The following NLK variants were observed in gnomAD, a reference collection of about 807,000 sequenced individuals.
NLK encodes the protein serine/threonine-protein kinase NLK.
NLK carries 11 observed loss-of-function variants against 59.0 expected under a neutral mutation model. That is an observed-to-expected ratio of 0.19 (90% CI 0.12 to 0.31). NLK has a LOEUF of 0.31. Among genes scored for constraint, NLK ranks in the 10% least tolerant of loss-of-function variants. The pLI is 1.00. For synonymous variants in NLK, 235 were observed against 235.9 expected (o/e 1.00, Z 0.03); for missense variants, 410 against 661.1 (o/e 0.62, Z 4.16).
chr17:28,056,083 A>G (rs895174658), intron 1 of NLK, among the ~76,000 whole-genome samples: 1 of 152,220 alleles, frequency 6.6e-6, no homozygotes, highest in Non-Finnish European at 1.5e-5. Flanking sequence ...CACTGATAGC[A>G]TTTTGGTGTA....
chr17:28,130,094 G>C (rs1906456439), intron 2 of NLK, among the ~76,000 whole-genome samples: 1 of 152,062 alleles, frequency 6.6e-6, no homozygotes, highest in African/African-American at 2.4e-5. Flanking sequence ...TGAAGAGTGT[G>C]GTATTTGAGG....
intron 1 of NLK, among the ~76,000 whole-genome samples, chr17:28,091,938 A>T (rs1238826579): frequency 6.6e-6 from 1 of 152,160 alleles, no homozygotes; most frequent in South Asian, 2.1e-4. Context: ...TCTTTTGACA[A>T]CCAGCCTGTC....
At chr17:28,138,810 G>T (rs1223727057) in intron 3 of NLK, among the ~76,000 whole-genome samples, 1 of 152,126 alleles carries the variant, frequency 6.6e-6, no homozygotes, top group Non-Finnish European at 1.5e-5. Context: ...TTGTTACACT[G>T]CCAGTACTTA....
intron 5 of NLK, 107 bp downstream of exon 5, chr17:28,163,735 C>T (rs911664894): frequency 3.0e-6 from 2 of 673,640 alleles, no homozygotes; most frequent in Admixed American, 2.8e-5. Context: ...ATTACTTTAC[C>T]AAAAGTTAAC....
At chr17:28,122,497 G>A in intron 1 of NLK, 106 bp from the exon 2 acceptor site, 1 of 1,159,202 alleles carries the variant, frequency 8.6e-7, no homozygotes, top group Non-Finnish European at 1.2e-6. Context: ...TTAATGTTGA[G>A]TGTTTTAAGA....
chr17:28,113,285 A>AT (rs1905605517), intron 1 of NLK, among the ~76,000 whole-genome samples: 1 of 152,190 alleles, frequency 6.6e-6, no homozygotes, highest in African/African-American at 2.4e-5. Context: ...TGCCCTCTGG[A>AT]TCCATACCCC....
chr17:28,194,884 G>T lies in NLK; in HGVS notation c.*248G>T. 2.8e-6 allele frequency: 1 copy of T among 355,622 alleles called. No homozygotes were observed. Among genetic ancestry groups the T allele is most frequent in the Non-Finnish European group, 5.1e-6 (1 of 197,074 alleles). 22.0% of individuals were successfully genotyped at this position (355,622 alleles called of 1,614,324 possible). The stretch of plus-strand genomic sequence containing the variant: ...GCACATGTTTTATGAATTTAGTGCA[G>T]CTGTTATGGCTCACCTCAGAACAAA... On this transcript the variant is annotated 3_prime_UTR_variant, in exon 11 of 11. Coordinates refer to ENST00000407008, the MANE Select transcript of NLK (RefSeq NM_016231.5).
intron 7 of NLK, among the ~76,000 whole-genome samples, chr17:28,182,661 A>T (rs1033883044): frequency 1.3e-5 from 2 of 152,166 alleles, no homozygotes; most frequent in African/African-American, 4.8e-5. Context: ...GAGATGGTCA[A>T]ATTCTCCCAA....
At chr17:28,186,989 T>G (rs1245314939) in intron 8 of NLK, among the ~76,000 whole-genome samples, 2 of 152,188 alleles carry the variant, frequency 1.3e-5, no homozygotes, top group Non-Finnish European at 2.9e-5. Flanking sequence ...ATATTTTGTG[T>G]TATTTGGTAA....
intron 2 of NLK, among the ~76,000 whole-genome samples, chr17:28,124,933 C>G (rs1244629959): frequency 6.6e-6 from 1 of 151,966 alleles, no homozygotes; most frequent in Non-Finnish European, 1.5e-5. Context: ...CCTATAGTCC[C>G]AGCTACTCAG....
At chr17:28,084,406 A>G (rs544182782) in intron 1 of NLK, among the ~76,000 whole-genome samples, 2 of 152,328 alleles carry the variant, frequency 1.3e-5, no homozygotes, top group East Asian at 1.9e-4. Flanking sequence ...TGTCTAACTC[A>G]AAGTCTGAAA....
intron 1 of NLK, among the ~76,000 whole-genome samples, chr17:28,092,882 G>A (rs1904555132): frequency 2.0e-5 from 3 of 151,526 alleles, no homozygotes; most frequent in South Asian, 2.1e-4. Context: ...TGCAACATCC[G>A]CCTCCCGGGT....
intron 1 of NLK, among the ~76,000 whole-genome samples, chr17:28,074,308 C>A (rs766776881): frequency 1.3e-5 from 2 of 152,062 alleles, no homozygotes; most frequent in East Asian, 1.9e-4. Flanking sequence ...ACCTGCACAT[C>A]CTGCACATGT....
chr17:28,163,028 C>G (rs1378451496), intron 4 of NLK, among the ~76,000 whole-genome samples: 1 of 152,180 alleles, frequency 6.6e-6, no homozygotes, highest in Non-Finnish European at 1.5e-5. Context: ...TAAGATTTCA[C>G]AAATATTTTT....
At chr17:28,133,291 C>G (rs1476708452) in intron 3 of NLK, among the ~76,000 whole-genome samples, 2 of 152,084 alleles carry the variant, frequency 1.3e-5, no homozygotes, top group African/African-American at 4.8e-5. Context: ...GAAATTGAGG[C>G]ACAAAAGGTA....
chr17:28,161,931 A>G (rs1478333872), intron 4 of NLK, among the ~76,000 whole-genome samples: 1 of 152,178 alleles, frequency 6.6e-6, no homozygotes, highest in Non-Finnish European at 1.5e-5. Flanking sequence ...CTAGTAAGCA[A>G]AATACTTTCC....
At chr17:28,201,861 CAA>C in the NLK span, among the ~76,000 whole-genome samples, 1 of 152,030 alleles carries the variant, frequency 6.6e-6, no homozygotes, top group South Asian at 2.1e-4. Flanking sequence ...ACTAAAAATA[CAA>C]AAGTTAGCCG....
chr17:28,123,055 T>C (rs1906134441), intron 2 of NLK, among the ~76,000 whole-genome samples: 1 of 152,206 alleles, frequency 6.6e-6, no homozygotes, highest in African/African-American at 2.4e-5. Flanking sequence ...ACTATTGAGA[T>C]TAGTGGTTTT....
intron 1 of NLK, among the ~76,000 whole-genome samples, chr17:28,090,771 A>G (rs571454946): frequency 6.6e-6 from 1 of 152,208 alleles, no homozygotes; most frequent in African/African-American, 2.4e-5. Context: ...TCCTTTAAGT[A>G]CTTCAAAGAT....
Sources: allele counts gnomAD v4.1 joint callset (sites outside exome capture counted in the v4.1 genomes callset), GRCh38; gene constraint gnomAD v4.1.1; transcripts MANE v1.5; gene names NCBI Gene and HGNC (gene_info 2026-07-23, HGNC 2026-07-21).